HEG1: variants seen among roughly 807,000 people sequenced by gnomAD.
The protein encoded by HEG1 is protein HEG homolog 1.
HEG1 carries 56 observed loss-of-function variants against 125.6 expected under a neutral mutation model. The ratio of observed to expected loss-of-function variants is 0.45; its 90% confidence interval spans 0.36 to 0.56. The LOEUF (loss-of-function observed/expected upper bound fraction) is 0.56. Ranked by LOEUF, HEG1 falls within the 20% of genes least tolerant of loss-of-function variation. HEG1 has a pLI of 0.00. For synonymous variants in HEG1, 644 were observed against 668.5 expected (o/e 0.96, Z 0.57); for missense variants, 1,523 against 1,670.0 (o/e 0.91, Z 1.53).
intron 4 of HEG1, among the ~76,000 whole-genome samples, chr3:125,020,458 C>G (rs1481630411): frequency 6.6e-6 from 1 of 152,010 alleles, no homozygotes; most frequent in African/African-American, 2.4e-5. Context: ...AGTAGGCCGG[C>G]TCTCAGCTTG....
At chr3:124,972,397 T>C (rs1331776227) in intron 16 of HEG1, among the ~76,000 whole-genome samples, 1 of 152,246 alleles carries the variant, frequency 6.6e-6, no homozygotes, top group Non-Finnish European at 1.5e-5. Flanking sequence ...TGGGAATATT[T>C]TTGCTAGAGC....
chr3:125,009,904 A>AC, intron 7 of HEG1, 80 bp from the exon 8 acceptor site: 1 of 1,444,336 alleles, frequency 6.9e-7, no homozygotes, highest in Non-Finnish European at 9.3e-7. Flanking sequence ...AGTACTTACT[A>AC]AGGGCCAAAT....
intron 1 of HEG1, among the ~76,000 whole-genome samples, chr3:125,047,916 C>T (rs1042174494): frequency 1.6e-4 from 25 of 152,142 alleles, no homozygotes; most frequent in African/African-American, 6.0e-4. Context: ...ACTTTTCTTC[C>T]TCCCCTATCT....
Position 125,002,295 on chromosome 3 carries a change from C to A in HEG1, c.3318G>T (p.Ala1106=). The A allele has an allele frequency of 3.7e-6, 6 of 1,613,532 alleles. No homozygotes were observed. Among genetic ancestry groups the A allele is most frequent in the Non-Finnish European group, 5.1e-6 (6 of 1,179,666 alleles). ...ITKTLNMCFS[A]LPSYIRSTVH... is the part of the protein sequence containing the mutation. ...CTGTAGATCGGATGTAACTAGGTAA[C>A]GCTGAAAAACACATATTTAACTGAA... The change falls in exon 10 of 17, where the codon GCG becomes GCT. Residue 1106 remains alanine, a synonymous_variant. Coordinates refer to ENST00000311127, the MANE Select transcript of HEG1 (RefSeq NM_020733.2).
intron 1 of HEG1, among the ~76,000 whole-genome samples, chr3:125,031,165 G>A (rs1375835959): frequency 3.3e-5 from 5 of 152,124 alleles, no homozygotes; most frequent in East Asian, 1.9e-4. Flanking sequence ...GAGCAGGTGC[G>A]TGGGATGCCC....
intron 8 of HEG1, among the ~76,000 whole-genome samples, chr3:125,008,770 C>A (rs899667864): frequency 6.6e-6 from 1 of 152,096 alleles, no homozygotes; most frequent in Non-Finnish European, 1.5e-5. Flanking sequence ...GCACCACAGC[C>A]TGGGCAACAG....
rs536136952 is a variant in HEG1, at chr3:124,975,376, G to T, written c.3822-1471C>A. 6.6e-5 allele frequency among the ~76,000 whole-genome samples: 10 copies of T among 152,288 alleles called. No individual in the cohort carries two copies. In the East Asian group the frequency reaches 1.9e-3, roughly 29 times the overall value. ...TATCTGAATAGATCATCACAGAGAA[G>T]GGGAATCAATTTCCTCCTTTCTCTT... is the stretch of plus-strand genomic sequence containing the variant. On this transcript the variant is annotated intron_variant, in intron 15 of 16. Transcript: ENST00000311127.
rs142382162 is a variant in HEG1 at position 125,029,127 on chromosome 3, T to C, written c.610+68A>G. 148 of 1,500,452 alleles carry C rather than the reference T, an allele frequency of 9.9e-5. No homozygotes were observed. In the African/African-American group the frequency reaches 1.8e-3, roughly 18 times the overall value. The allele number at this position is 1,500,452 out of a possible 1,614,324, so 92.9% of individuals were successfully genotyped here. A position where few individuals can be genotyped will look rare whatever the true frequency, so the allele number is the denominator to read the frequency against. ...TGGCTCAGAATGGGGTTGTGGGGAA[T>C]GGCAGAAACTTTGTTTTCCAGGACT... On this transcript the variant is annotated intron_variant, in intron 2 of 16. Coordinates refer to ENST00000311127, the MANE Select transcript of HEG1 (RefSeq NM_020733.2).
chr3:125,054,597 C>T (rs1937888157), intron 1 of HEG1, among the ~76,000 whole-genome samples: 1 of 152,218 alleles, frequency 6.6e-6, no homozygotes, highest in African/African-American at 2.4e-5. Flanking sequence ...TTGCAAGCAA[C>T]CCAGCTTATT....
intron 1 of HEG1, among the ~76,000 whole-genome samples, chr3:125,046,927 T>C (rs553777927): frequency 6.6e-6 from 1 of 152,366 alleles, no homozygotes; most frequent in South Asian, 2.1e-4. Flanking sequence ...GCTTCTTATT[T>C]TGTGGTCACA....
chr3:125,038,222 A>G (rs1401959680), intron 1 of HEG1, among the ~76,000 whole-genome samples: 5 of 152,190 alleles, frequency 3.3e-5, no homozygotes, highest in African/African-American at 1.2e-4. Flanking sequence ...CACTGAGGCT[A>G]GACAAATGGC....
chr3:124,975,574 G>C (rs1050029436), intron 15 of HEG1, among the ~76,000 whole-genome samples: 6 of 152,106 alleles, frequency 3.9e-5, no homozygotes, highest in African/African-American at 1.4e-4. Flanking sequence ...CTCATTTAAT[G>C]GTTTCTGGCA....
Position 125,001,947 on chromosome 3 carries a change from A to T in HEG1, c.3422T>A (p.Phe1141Tyr), listed in dbSNP as rs1375871933. 3 of 1,614,034 alleles carry T rather than the reference A, an allele frequency of 1.9e-6. No individual in the cohort carries two copies. The South Asian group carries it at 3.3e-5, about 18-fold the overall frequency. ...TFSLASNVTLFDLADRMQKCV... is the reference protein window; with the variant it reads ...TFSLASNVTLYDLADRMQKCV... ...TTTCTGCATCCTATCAGCCAGGTCA[A>T]ATAGCGTCACATTGGAGGCCAGGGA... The change falls in exon 11 of 17, where the codon TTT becomes TAT. Residue 1141 changes from phenylalanine (F) to tyrosine (Y), a missense_variant. By Grantham distance (22) the Phe-to-Tyr change is conservative (BLOSUM62 3). Coordinates refer to ENST00000311127, the MANE Select transcript of HEG1 (RefSeq NM_020733.2).
At chr3:124,978,842 T>TAAATAAATAAAA (rs1315662277) in intron 14 of HEG1, among the ~76,000 whole-genome samples, 33 of 151,132 alleles carry the variant, frequency 2.2e-4, no homozygotes, top group African/African-American at 4.8e-4. Context: ...AATAAATAAA[T>TAAATAAATAAAA]AAAAAAGTAA....
At chr3:124,981,936 G>A (rs1041138547) in intron 14 of HEG1, among the ~76,000 whole-genome samples, 1 of 150,608 alleles carries the variant, frequency 6.6e-6, no homozygotes, top group Non-Finnish European at 1.5e-5. Flanking sequence ...TTTTTGAGAC[G>A]GAGTCGCCCA....
At chr3:125,012,198 T>C (rs1937167119) in intron 6 of HEG1, among the ~76,000 whole-genome samples, 1 of 152,198 alleles carries the variant, frequency 6.6e-6, no homozygotes, top group Admixed American at 6.5e-5. Flanking sequence ...CAGACGCAGA[T>C]ACCCAGTTGA....
chr3:124,990,329 GT>G (rs1936811471), intron 14 of HEG1, among the ~76,000 whole-genome samples: 1 of 145,428 alleles, frequency 6.9e-6, no homozygotes, highest in African/African-American at 2.5e-5. Flanking sequence ...TTTTTTTGTT[GT>G]TGTTTTTTGG....
chr3:125,029,661 G>A (rs1022134119), intron 1 of HEG1, among the ~76,000 whole-genome samples, 173 bp from the exon 2 acceptor site: 3 of 152,122 alleles, frequency 2.0e-5, no homozygotes, highest in African/African-American at 4.8e-5. Flanking sequence ...AGGCTGAGGC[G>A]GGTGGATCAC....
chr3:125,008,920 G>C (rs570848682), intron 8 of HEG1, among the ~76,000 whole-genome samples: 2 of 152,382 alleles, frequency 1.3e-5, no homozygotes, highest in South Asian at 4.1e-4. Context: ...AAGCAAGAAA[G>C]CTCCTAAAGT....
Sources: gnomAD v4.1 joint callset for allele counts (sites outside exome capture counted in the v4.1 genomes callset) on GRCh38, gnomAD v4.1.1 for gene constraint, MANE v1.5 for transcripts, NCBI Gene and HGNC (gene_info 2026-07-23, HGNC 2026-07-21) for gene names.